SLC39A11: variants seen among roughly 807,000 people sequenced by gnomAD.
SLC39A11 encodes the protein solute carrier family 39 member 11, also known as zinc transporter ZIP11.
SLC39A11 carries 33 observed loss-of-function variants against 36.1 expected under a neutral mutation model. That is an observed-to-expected ratio of 0.91 (90% CI 0.69 to 1.22). The LOEUF (loss-of-function observed/expected upper bound fraction) is 1.22. Ranked by LOEUF, SLC39A11 falls within the 50% of genes most tolerant of loss-of-function variation. The pLI, the probability that SLC39A11 is intolerant of heterozygous loss-of-function variation, is 0.00. For synonymous variants in SLC39A11, 166 were observed against 170.3 expected, an observed-to-expected ratio of 0.97 and a Z score of 0.20; for missense variants, 432 against 430.3, an observed-to-expected ratio of 1.00 and a Z score of -0.03.
At chr17:72,925,453 G>C (rs1279687619) in intron 5 of SLC39A11, among the ~76,000 whole-genome samples, 1 of 152,054 alleles carries the variant, frequency 6.6e-6, no homozygotes, top group Non-Finnish European at 1.5e-5. Context: ...TCATCCCTTG[G>C]TATCCGTAGG....
intron 4 of SLC39A11, among the ~76,000 whole-genome samples, chr17:72,949,145 T>TTTTTTTTTTTG (rs2085669159): frequency 2.6e-5 from 1 of 38,472 alleles, no homozygotes; most frequent in Non-Finnish European, 4.1e-5. Flanking sequence ...ACTGGGCAGC[T>TTTTTTTTTTTG]TTTTTTTTTT....
intron 4 of SLC39A11, among the ~76,000 whole-genome samples, chr17:73,011,579 A>G (rs995769151): frequency 6.6e-6 from 1 of 152,106 alleles, no homozygotes; most frequent in African/African-American, 2.4e-5. Context: ...AAGTAGAAAG[A>G]ATGAATAAGT....
At position 73,088,737 on chromosome 17, in the gene SLC39A11, G is replaced by A; in HGVS notation, c.28C>T (p.Gln10Ter). MLQGHSSVF[Q>*]ALLGTFFTWG... Reference sequence around the variant, plus strand: ...GTGAAGAAGGTCCCCAGCAAGGCCTGGAACACAGAGCTGTGGCCTTGGAGC... The same window carrying A: ...GTGAAGAAGGTCCCCAGCAAGGCCTAGAACACAGAGCTGTGGCCTTGGAGC... Residue 10 changes from glutamine (Q) to a stop codon, truncating the protein, a stop_gained, in exon 2 of 10, where the codon CAG (glutamine) becomes TAG (stop). Coordinates refer to ENST00000255559, the MANE Select transcript of SLC39A11 (RefSeq NM_139177.4). LOFTEE classifies it high-confidence loss of function. The A allele has an allele frequency of 1.9e-6, 3 of 1,610,104 alleles. No individual in the cohort carries two copies.
intron 4 of SLC39A11, among the ~76,000 whole-genome samples, chr17:72,997,688 A>C (rs934555585): frequency 6.6e-6 from 1 of 152,252 alleles, no homozygotes; most frequent in Non-Finnish European, 1.5e-5. Context: ...CACTGTTCTG[A>C]GTAGCATGAT....
In SLC39A11 at chr17:72,646,463, A is replaced by G. The variant is rs1025209901; in HGVS notation, c.*1121T>C. The G allele has an allele frequency of 6.6e-6, 1 of 152,242 alleles. No individual in the cohort carries two copies. The highest frequency in any genetic ancestry group is 2.4e-5 in the African/African-American group (1 of 41,456). The allele number at this position is 152,242 out of a possible 1,614,324, so 9.4% of individuals were successfully genotyped here. A position where few individuals can be genotyped will look rare whatever the true frequency, so the allele number is the denominator to read the frequency against. On this transcript the variant is annotated 3_prime_UTR_variant, in exon 10 of 10. Coordinates refer to ENST00000255559, the MANE Select transcript of SLC39A11 (RefSeq NM_139177.4). Reference sequence around the variant, plus strand: ...AGTTCGACTCATTCTTTATAGGGACATTTCAGAATGATGAGTTGGCTAAAA... The same window carrying G: ...AGTTCGACTCATTCTTTATAGGGACGTTTCAGAATGATGAGTTGGCTAAAA...
chr17:72,980,045 G>GT (rs1166580631), intron 4 of SLC39A11, among the ~76,000 whole-genome samples: 1 of 152,136 alleles, frequency 6.6e-6, no homozygotes, highest in Non-Finnish European at 1.5e-5. Flanking sequence ...ACCCTGCTCT[G>GT]TTAAGACCAT....
rs139566122 is a variant in SLC39A11 at position 72,704,906 on chromosome 17, G to A, written c.671+31744C>T. 1.2e-4 allele frequency among the ~76,000 whole-genome samples: 19 copies of A among 152,246 alleles called. No individual in the cohort carries two copies. The East Asian group carries it at 2.1e-3, about 17-fold the overall frequency. ...TCCAAGGGAGCTATTGAGAGGAGAC[G>A]GTCTATTTTGTTTGGACTTGAACCT... is the stretch of plus-strand genomic sequence containing the variant. On this transcript the variant is annotated intron_variant, in intron 7 of 9. Transcript: ENST00000255559.
At chr17:72,721,211 C>A (rs2073662370) in intron 7 of SLC39A11, among the ~76,000 whole-genome samples, 1 of 152,068 alleles carries the variant, frequency 6.6e-6, no homozygotes, top group African/African-American at 2.4e-5. Context: ...ATTCTCCCGC[C>A]TCAGCCTCCT....
intron 5 of SLC39A11, among the ~76,000 whole-genome samples, chr17:72,919,256 C>CTGATAA (rs1227993351): frequency 1.3e-5 from 2 of 151,576 alleles, no homozygotes; most frequent in Non-Finnish European, 2.9e-5. Context: ...CCCACTCTTG[C>CTGATAA]TGATAATAAT....
rs908935605 is a variant in SLC39A11, at chr17:72,794,427, A to T, written c.601+55207T>A. 3.4e-4 allele frequency among the ~76,000 whole-genome samples: 51 copies of T among 152,018 alleles called. 1 individual carries two copies. Among genetic ancestry groups the T allele is most frequent in the Admixed American group, 2.0e-4 (3 of 15,270 alleles). The stretch of plus-strand genomic sequence containing the variant: ...AATCATTTTTCTAATTGAGTGAGAA[A>T]ATCTGATAATATTGTTCCCCTGACT... On this transcript the variant is annotated intron_variant, in intron 6 of 9. Coordinates refer to ENST00000255559, the MANE Select transcript of SLC39A11 (RefSeq NM_139177.4).
At chr17:72,715,937 T>A (rs1471667194) in intron 7 of SLC39A11, among the ~76,000 whole-genome samples, 1 of 152,154 alleles carries the variant, frequency 6.6e-6, no homozygotes, top group East Asian at 1.9e-4. Context: ...CTTCAAGTGA[T>A]CCGCCCGCTT....
At position 72,915,971 on chromosome 17, in the gene SLC39A11, C is replaced by T. The variant is rs148109379; in HGVS notation, c.430+31781G>A. On this transcript the variant is annotated intron_variant, in intron 5 of 9. Coordinates refer to ENST00000255559, the MANE Select transcript of SLC39A11 (RefSeq NM_139177.4). The stretch of plus-strand genomic sequence containing the variant: ...TCTACTGAAACACACATCCACACGT[C>T]TGGCCGTACCCAGTAATACTCGAGT... Among the ~76,000 whole-genome samples the T allele has an allele frequency of 6.0e-4, 92 of 152,356 alleles. 2 individuals are homozygous for T. The East Asian group carries it at 0.017, about 28-fold the overall frequency.
rs1330375675 is a variant in SLC39A11 at position 72,891,218 on chromosome 17, TCAAGAC to T, written c.431-41420_431-41415del. 3.9e-5 allele frequency among the ~76,000 whole-genome samples: 6 copies of T among 151,946 alleles called. No individual in the cohort carries two copies. In the East Asian group the frequency reaches 1.2e-3, roughly 29 times the overall value. ...GAGTGGATCACCCGAGGTCAGGAGTTCAAGACCAGCCTGATCAACATGGTGAAACCC... is the reference window on the plus strand; with the variant it reads ...GAGTGGATCACCCGAGGTCAGGAGTTCAGCCTGATCAACATGGTGAAACCC... On this transcript the variant is annotated intron_variant, in intron 5 of 9. Transcript: ENST00000255559.
At chr17:72,899,589 T>C (rs1160445205) in intron 5 of SLC39A11, among the ~76,000 whole-genome samples, 1 of 152,130 alleles carries the variant, frequency 6.6e-6, no homozygotes, top group Non-Finnish European at 1.5e-5. Context: ...ATCAGGATTA[T>C]AGCAATGGGC....
At chr17:72,801,934 T>G (rs1329671343) in intron 6 of SLC39A11, among the ~76,000 whole-genome samples, 1 of 152,194 alleles carries the variant, frequency 6.6e-6, no homozygotes, top group African/African-American at 2.4e-5. Flanking sequence ...TATAATAGGG[T>G]TGCAGTACAT....
intron 5 of SLC39A11, among the ~76,000 whole-genome samples, chr17:72,924,069 C>A (rs1032723624): frequency 4.6e-5 from 7 of 151,192 alleles, no homozygotes; most frequent in Non-Finnish European, 1.0e-4. Context: ...ATCACTTGAG[C>A]CCGGGCTATC....
intron 6 of SLC39A11, among the ~76,000 whole-genome samples, chr17:72,764,380 G>C (rs2075692861): frequency 1.3e-5 from 2 of 152,104 alleles, no homozygotes; most frequent in South Asian, 4.2e-4. Context: ...AAGGACACAG[G>C]GGTATTTATA....
At chr17:72,979,348 T>C (rs2088117113) in intron 4 of SLC39A11, among the ~76,000 whole-genome samples, 1 of 127,880 alleles carries the variant, frequency 7.8e-6, no homozygotes, top group African/African-American at 2.9e-5. Flanking sequence ...TATAATGGTC[T>C]GAAAACAGAC....
chr17:72,934,746 G>T (rs748813053), intron 5 of SLC39A11, among the ~76,000 whole-genome samples: 4 of 152,148 alleles, frequency 2.6e-5, no homozygotes, highest in Non-Finnish European at 4.4e-5. Flanking sequence ...CACCAAAGAA[G>T]ATGTACAGAT....
Sources: allele counts gnomAD v4.1 joint callset (sites outside exome capture counted in the v4.1 genomes callset), GRCh38; gene constraint gnomAD v4.1.1; transcripts MANE v1.5; gene names NCBI Gene and HGNC (gene_info 2026-07-23, HGNC 2026-07-21).